LIMK1: variants seen among roughly 807,000 people sequenced by gnomAD.
LIMK1 encodes LIM motif-containing protein kinase.
Under a neutral mutation model 77.6 loss-of-function variants are expected in LIMK1, and 21 were observed. The ratio of observed to expected loss-of-function variants is 0.27; its 90% CI spans 0.19 to 0.39. LIMK1 has a LOEUF of 0.39. LIMK1 is among the 10% of genes least tolerant of loss of function. The probability of loss-of-function intolerance (pLI) is 1.00; values close to 1 mark genes in which losing one functional copy is unlikely to be tolerated. For missense variants in LIMK1, 696 were observed against 901.6 expected (o/e 0.77, Z 2.92); for synonymous variants, 358 against 370.0 (o/e 0.97, Z 0.37).
chr7:74,099,202 G>A lies in LIMK1; in HGVS notation c.572G>A (p.Cys191Tyr), dbSNP rs1344030535. 2 of 1,609,262 alleles carry A rather than the reference G, an allele frequency of 1.2e-6. No individual in the cohort carries two copies. Among genetic ancestry groups the A allele is most frequent in the Non-Finnish European group, 1.7e-6 (2 of 1,180,014 alleles). Reference protein sequence around the residue: ...SIDPPHGPPGCGTEHSHTVRV... With the variant: ...SIDPPHGPPGYGTEHSHTVRV... ...GACCCCCCGCACGGCCCACCGGGCT[G>A]TGGCACCGAGCACTCACACACCGTC... The change falls in exon 5 of 16, where the codon TGT becomes TAT. Residue 191 changes from cysteine (C) to tyrosine (Y), a missense_variant. Cys to Tyr is a radical substitution (Grantham distance 194). Around this residue, in one of 3 missense-constraint regions of LIMK1, gnomAD observed 252 missense variants for 279.4 expected, o/e 0.90. Coordinates refer to ENST00000336180, the MANE Select transcript of LIMK1 (RefSeq NM_002314.4).
At chr7:74,085,636 G>A in intron 1 of LIMK1, 112 bp from the exon 2 acceptor site, 1 of 824,882 alleles carries the variant, frequency 1.2e-6, no homozygotes, top group Non-Finnish European at 2.0e-6. Flanking sequence ...CACATGTGCA[G>A]TGTGCGAGGA....
intron 12 of LIMK1, chr7:74,115,570 G>A (rs577054207): frequency 1.6e-5 from 8 of 511,358 alleles, no homozygotes; most frequent in Admixed American, 1.4e-4. Flanking sequence ...AGGGTGCAGC[G>A]TGTGGTGGGA....
At chr7:74,092,944 G>A (rs1385243182) in intron 2 of LIMK1, 6 of 374,726 alleles carry the variant, frequency 1.6e-5, no homozygotes, top group East Asian at 9.1e-5. Context: ...AGCCTACAGC[G>A]TGTGTTCAGG....
At chr7:74,101,101 A>G (rs1489110345) in intron 5 of LIMK1, among the ~76,000 whole-genome samples, 2 of 152,218 alleles carry the variant, frequency 1.3e-5, no homozygotes, top group Non-Finnish European at 1.5e-5. Flanking sequence ...GGTGCCTGGC[A>G]CTGCATAGGC....
Position 74,121,343 on chromosome 7 carries a change from T to A in LIMK1, c.*42T>A. The stretch of plus-strand genomic sequence containing the variant: ...TGCCCCTGTCCCCACCTCTGGAGAA[T>A]CCACCCCCACCAGATTCCTCCGCGG... On this transcript the variant is annotated 3_prime_UTR_variant, in exon 16 of 16. Transcript: ENST00000336180. The A allele has an allele frequency of 6.7e-7, 1 of 1,502,394 alleles. No homozygotes were observed. Among genetic ancestry groups the A allele is most frequent in the African/African-American group, 1.4e-5 (1 of 72,432 alleles). The allele number at this position is 1,502,394 out of a possible 1,614,324, so 93.1% of individuals were successfully genotyped here.
Position 74,099,375 on chromosome 7 carries a change from G to A in LIMK1, c.608+137G>A, listed in dbSNP as rs567091974. ...GATGGGGCCCAGTTCTGACAACCTG[G>A]TTTGCCAGATTTCTGGCCCAGTCAT... On this transcript the variant is annotated intron_variant, in intron 5 of 15. Coordinates refer to ENST00000336180, the MANE Select transcript of LIMK1 (RefSeq NM_002314.4). 10 of 795,044 alleles carry A rather than the reference G, an allele frequency of 1.3e-5. No homozygotes were observed. In the East Asian group the frequency reaches 2.6e-4, roughly 21 times the overall value. The allele number at this position is 795,044 out of a possible 1,614,324, so 49.2% of individuals were successfully genotyped here.
Position 74,096,711 on chromosome 7 carries a change from G to GGA in LIMK1, c.242_243insGA (p.Glu82ThrfsTer22). 1 of 1,613,814 alleles carries GGA rather than the reference G, an allele frequency of 6.2e-7. No individual in the cohort carries two copies. ...AAGAAGGACTACTGGGCCCGCTATG[G>GGA]CGAGTCCTGCCATGGGTGCTCTGAG... On this transcript the variant is annotated frameshift_variant, in exon 3 of 16. Transcript: ENST00000336180. LOFTEE classifies it high-confidence loss of function.
intron 12 of LIMK1, chr7:74,115,448 C>T: frequency 4.4e-6 from 1 of 226,918 alleles, no homozygotes; most frequent in Non-Finnish European, 8.8e-6. Context: ...GAATTCCTGT[C>T]TTCTCTCCGA....
intron 2 of LIMK1, among the ~76,000 whole-genome samples, chr7:74,091,504 G>A (rs1240612150): frequency 6.6e-6 from 1 of 152,184 alleles, no homozygotes; most frequent in Non-Finnish European, 1.5e-5. Flanking sequence ...GCAACAGAGC[G>A]AGACACTGTC....
intron 2 of LIMK1, among the ~76,000 whole-genome samples, chr7:74,091,259 C>CA (rs1460208318): frequency 6.6e-6 from 1 of 151,908 alleles, no homozygotes; most frequent in African/African-American, 2.4e-5. Context: ...GCTGGTAACT[C>CA]ACGCCTGTAA....
At chr7:74,101,295 C>T (rs1304150562) in intron 5 of LIMK1, among the ~76,000 whole-genome samples, 3 of 152,176 alleles carry the variant, frequency 2.0e-5, no homozygotes, top group African/African-American at 7.2e-5. Flanking sequence ...AGGGAGGTCC[C>T]CACAGAGTCA....
intron 5 of LIMK1, among the ~76,000 whole-genome samples, 188 bp from the exon 6 acceptor site, chr7:74,105,687 A>G (rs1799553960): frequency 1.3e-5 from 2 of 152,150 alleles, no homozygotes; most frequent in Admixed American, 1.3e-4. Context: ...TGTGGCAGAC[A>G]TCAGTAATTG....
rs376409432 is a variant in LIMK1, at chr7:74,106,071, C to A, written c.715-6C>A. ...CCACCCCCATTCACATGCCTGCTGT[C>A]CCCAGATTGACCTGCTGATTCAGGA... is the stretch of plus-strand genomic sequence containing the variant. On this transcript the variant is annotated splice_polypyrimidine_tract_variant and splice_region_variant and intron_variant, in intron 6 of 15. Coordinates refer to ENST00000336180, the MANE Select transcript of LIMK1 (RefSeq NM_002314.4). 3.7e-5 allele frequency: 60 copies of A among 1,613,834 alleles called. No individual in the cohort carries two copies. In the East Asian group the frequency reaches 6.2e-4, roughly 17 times the overall value.
chr7:74,097,675 C>G (rs951325959), intron 4 of LIMK1, among the ~76,000 whole-genome samples: 1 of 152,214 alleles, frequency 6.6e-6, no homozygotes, highest in Admixed American at 6.5e-5. Flanking sequence ...GACTCTGTCT[C>G]AAAACAGAAA....
At chr7:74,117,125 C>T (rs998799169) in intron 13 of LIMK1, among the ~76,000 whole-genome samples, 12 of 152,000 alleles carry the variant, frequency 7.9e-5, no homozygotes, top group Middle Eastern at 3.2e-3. Context: ...TCGTGATCCG[C>T]CCGTCTCGGC....
At position 74,096,786 on chromosome 7, in the gene LIMK1, C is replaced by A. The variant is rs1554695705; in HGVS notation, c.291+26C>A. 7 of 1,565,476 alleles carry A rather than the reference C, an allele frequency of 4.5e-6. No homozygotes were observed. The Middle Eastern group carries it at 5.1e-4, about 114-fold the overall frequency. On this transcript the variant is annotated intron_variant, in intron 3 of 15. Coordinates refer to ENST00000336180, the MANE Select transcript of LIMK1 (RefSeq NM_002314.4). ...GTGAGCGCCCCCTGCCTTGCACACT[C>A]ACCTGGGGTGGGGGTATCCAAGCAG...
rs1460522230 is a variant in LIMK1 at position 74,091,836 on chromosome 7, G to A, written c.153-4786G>A. On this transcript the variant is annotated intron_variant, in intron 2 of 15. Coordinates refer to ENST00000336180, the MANE Select transcript of LIMK1 (RefSeq NM_002314.4). ...GGCCGGTGCATGTGCAAAGGCCTTG[G>A]GGTGGGAATGTGCTTGGCACAACTG... Among the ~76,000 whole-genome samples, 8 of 152,258 alleles carry A rather than the reference G, an allele frequency of 5.3e-5. No homozygotes were observed. The South Asian group carries it at 8.3e-4, about 16-fold the overall frequency.
intron 2 of LIMK1, among the ~76,000 whole-genome samples, chr7:74,092,283 T>A (rs1799253212): frequency 6.6e-6 from 1 of 152,152 alleles, no homozygotes; most frequent in Non-Finnish European, 1.5e-5. Flanking sequence ...CATCTTTGAA[T>A]GTCATAACCT....
chr7:74,120,782 G>A (rs1289634083), intron 14 of LIMK1, 110 bp from the exon 15 acceptor site: 4 of 1,553,480 alleles, frequency 2.6e-6, no homozygotes, highest in Non-Finnish European at 3.5e-6. Flanking sequence ...GGGTACTGCA[G>A]TCAGGCTGCA....
Sources: allele counts gnomAD v4.1 joint callset (sites outside exome capture counted in the v4.1 genomes callset), GRCh38; gene constraint gnomAD v4.1.1; regional missense constraint gnomAD v4.1.1; transcripts MANE v1.5; gene names NCBI Gene and HGNC (gene_info 2026-07-23, HGNC 2026-07-21).